Variants in EXOC6B observed in about 807,000 individuals in gnomAD.
The protein encoded by EXOC6B is SEC15 homolog B.
In EXOC6B, 54 loss-of-function variants were observed where a neutral mutation model predicts 113.5. That is an observed-to-expected ratio of 0.48 (90% CI 0.38 to 0.60). The LOEUF (loss-of-function observed/expected upper bound fraction) is 0.60, where lower values mean the gene tolerates loss of function less well. Ranked by LOEUF, EXOC6B falls within the 20% of genes least tolerant of loss-of-function variation. EXOC6B has a pLI of 0.00. For missense variants in EXOC6B, 797 were observed against 977.5 expected, an observed-to-expected ratio of 0.82 and a Z score of 2.46; for synonymous variants, 357 against 339.0, an observed-to-expected ratio of 1.05 and a Z score of -0.58.
At chr2:72,700,828 G>A (rs1052452061) in intron 6 of EXOC6B, among the ~76,000 whole-genome samples, 7 of 152,158 alleles carry the variant, frequency 4.6e-5, no homozygotes, top group African/African-American at 1.7e-4. Context: ...GAGGGTGCCT[G>A]TAATCCCAGC....
rs542887439 is a variant in EXOC6B at position 72,489,601 on chromosome 2, T to C, written c.1665+2717A>G. Among the ~76,000 whole-genome samples the C allele has an allele frequency of 1.1e-4, 16 of 152,270 alleles. No homozygotes were observed. The South Asian group carries it at 3.3e-3, about 32-fold the overall frequency. On this transcript the variant is annotated intron_variant, in intron 16 of 21. Coordinates refer to ENST00000272427, the MANE Select transcript of EXOC6B (RefSeq NM_015189.3). ...ATGCTACCATTATCCCCATTTTACA[T>C]AGAAAGCAAAGTAATTTGCCCAAGG... is the stretch of plus-strand genomic sequence containing the variant.
intron 6 of EXOC6B, among the ~76,000 whole-genome samples, chr2:72,591,459 A>G (rs1267415123): frequency 6.6e-6 from 1 of 152,144 alleles, no homozygotes; most frequent in Non-Finnish European, 1.5e-5. Context: ...CTAAGAAACA[A>G]TATTACCAAA....
At chr2:72,621,428 C>T (rs575642173) in intron 6 of EXOC6B, among the ~76,000 whole-genome samples, 1 of 152,122 alleles carries the variant, frequency 6.6e-6, no homozygotes, top group South Asian at 2.1e-4. Context: ...ACTGCATGTT[C>T]TAACTCATAA....
At chr2:72,665,807 A>G (rs1675350643) in intron 6 of EXOC6B, among the ~76,000 whole-genome samples, 2 of 152,210 alleles carry the variant, frequency 1.3e-5, no homozygotes, top group African/African-American at 2.4e-5. Flanking sequence ...TGAAACAACC[A>G]GCTAATAACA....
chr2:72,753,941 ATTTG>A lies in EXOC6B; in HGVS notation c.114-12476_114-12473del, dbSNP rs1682227048. ...GCTCCTTACCTTTTTAGTTTTTAGG[ATTTG>A]TTTTTGTTTTTGTTTTGAGACAGGG... On this transcript the variant is annotated intron_variant, in intron 1 of 21. Coordinates refer to ENST00000272427, the MANE Select transcript of EXOC6B (RefSeq NM_015189.3). Among the ~76,000 whole-genome samples the A allele has an allele frequency of 2.6e-5, 4 of 151,940 alleles. No individual in the cohort carries two copies. In the South Asian group the frequency reaches 8.3e-4, roughly 32 times the overall value.
intron 8 of EXOC6B, among the ~76,000 whole-genome samples, chr2:72,551,036 T>G (rs1703192909): frequency 6.6e-6 from 1 of 151,252 alleles, no homozygotes; most frequent in South Asian, 2.1e-4. Context: ...AGTGACTGAG[T>G]TAGGCACTAT....
At chr2:72,816,914 T>C (rs977210387) in intron 1 of EXOC6B, among the ~76,000 whole-genome samples, 1 of 152,218 alleles carries the variant, frequency 6.6e-6, no homozygotes, top group Admixed American at 6.5e-5. Context: ...ACAGAGCCCA[T>C]TGCTAGCTAA....
At chr2:72,380,378 G>A (rs761703239) in intron 18 of EXOC6B, among the ~76,000 whole-genome samples, 2 of 152,104 alleles carry the variant, frequency 1.3e-5, no homozygotes, top group African/African-American at 2.4e-5. Context: ...GGTGGCTCAC[G>A]CCTGTAATAC....
At chr2:72,466,718 G>T (rs1228336996) in intron 17 of EXOC6B, among the ~76,000 whole-genome samples, 1 of 152,124 alleles carries the variant, frequency 6.6e-6, no homozygotes, top group African/African-American at 2.4e-5. Context: ...TTTGAAATAT[G>T]TATACACTGA....
At chr2:72,776,398 T>C (rs1277256643) in intron 1 of EXOC6B, among the ~76,000 whole-genome samples, 1 of 151,998 alleles carries the variant, frequency 6.6e-6, no homozygotes, top group Non-Finnish European at 1.5e-5. Flanking sequence ...GGGCATACTG[T>C]TTTAGCTCAG....
chr2:72,768,270 C>T (rs1282725146), intron 1 of EXOC6B, among the ~76,000 whole-genome samples: 1 of 150,366 alleles, frequency 6.7e-6, no homozygotes, highest in Admixed American at 6.7e-5. Context: ...CAATTCTATT[C>T]CCCTAGGAGA....
intron 18 of EXOC6B, among the ~76,000 whole-genome samples, chr2:72,415,515 G>A (rs1331168541): frequency 6.6e-6 from 1 of 151,268 alleles, no homozygotes; most frequent in Non-Finnish European, 1.5e-5. Flanking sequence ...TTCCATCTGT[G>A]GTTTCTTTTT....
chr2:72,705,321 G>A (rs890039951), intron 6 of EXOC6B, among the ~76,000 whole-genome samples: 7 of 152,002 alleles, frequency 4.6e-5, no homozygotes, highest in Non-Finnish European at 8.8e-5. Context: ...TTGATGGGAC[G>A]TATTTCAAAA....
At chr2:72,645,577 C>A (rs1362034294) in intron 6 of EXOC6B, among the ~76,000 whole-genome samples, 1 of 151,950 alleles carries the variant, frequency 6.6e-6, no homozygotes, top group Non-Finnish European at 1.5e-5. Flanking sequence ...GAACAGAAAT[C>A]ACAAAAAAAC....
intron 18 of EXOC6B, among the ~76,000 whole-genome samples, chr2:72,431,167 G>A (rs1399642246): frequency 6.6e-6 from 1 of 152,024 alleles, no homozygotes; most frequent in Non-Finnish European, 1.5e-5. Flanking sequence ...ATAATTTTTA[G>A]CGTTTAATAC....
At chr2:72,587,793 C>T (rs1705684888) in intron 6 of EXOC6B, among the ~76,000 whole-genome samples, 1 of 151,154 alleles carries the variant, frequency 6.6e-6, no homozygotes, top group Admixed American at 6.6e-5. Context: ...GGATTAATAC[C>T]CATAGTATAT....
At chr2:72,782,980 G>A (rs546862406) in intron 1 of EXOC6B, among the ~76,000 whole-genome samples, 23 of 152,328 alleles carry the variant, frequency 1.5e-4, no homozygotes, top group African/African-American at 5.5e-4. Flanking sequence ...CTGCAAAACA[G>A]CATGGAAGTG....
At chr2:72,687,310 C>T (rs1434079439) in intron 6 of EXOC6B, among the ~76,000 whole-genome samples, 1 of 152,106 alleles carries the variant, frequency 6.6e-6, no homozygotes, top group East Asian at 1.9e-4. Flanking sequence ...TATATGCAAC[C>T]TAACATTTTG....
intron 18 of EXOC6B, among the ~76,000 whole-genome samples, chr2:72,426,047 A>G (rs1695182534): frequency 1.3e-5 from 2 of 152,290 alleles, no homozygotes; most frequent in Non-Finnish European, 2.9e-5. Context: ...TTTTAATTTC[A>G]GGGATAGCCC....
Sources: gnomAD v4.1 joint callset for allele counts (sites outside exome capture counted in the v4.1 genomes callset) on GRCh38, gnomAD v4.1.1 for gene constraint, MANE v1.5 for transcripts, NCBI Gene and HGNC (gene_info 2026-07-23, HGNC 2026-07-21) for gene names.